The following ELMO1 variants were observed in gnomAD, a reference collection of about 807,000 sequenced individuals.
ELMO1 encodes engulfment and cell motility 1.
ELMO1 carries 26 observed loss-of-function variants against 98.9 expected under a neutral mutation model. That is an observed-to-expected ratio of 0.26 (90% CI 0.19 to 0.36). The LOEUF is 0.36. Ranked by LOEUF, ELMO1 falls within the 10% of genes least tolerant of loss-of-function variation. The pLI is 1.00. For missense variants in ELMO1, 627 were observed against 935.2 expected (o/e 0.67, Z 4.30); for synonymous variants, 346 against 346.0 (o/e 1.00, Z 0.00).
rs1794890682 is a variant in ELMO1 at position 37,244,258 on chromosome 7, A to G, written c.449+98T>C. On this transcript the variant is annotated intron_variant, in intron 7 of 21. Transcript: ENST00000310758. ...CAAAAAATCACTTATTCAAAATACT[A>G]GATGCATAGTTATACAATCAGTCAG... is the stretch of plus-strand genomic sequence containing the variant. 9.2e-6 allele frequency: 11 copies of G among 1,192,854 alleles called. No individual in the cohort carries two copies. The South Asian group carries it at 1.7e-4, about 19-fold the overall frequency. The allele number at this position is 1,192,854 out of a possible 1,614,324, so 73.9% of individuals were successfully genotyped here.
chr7:36,922,162 G>A (rs965222518), intron 16 of ELMO1, among the ~76,000 whole-genome samples: 1 of 152,074 alleles, frequency 6.6e-6, no homozygotes, highest in African/African-American at 2.4e-5. Flanking sequence ...TTAACATAAA[G>A]GAGAGGAAGC....
intron 6 of ELMO1, among the ~76,000 whole-genome samples, chr7:37,252,643 G>C (rs1475148250): frequency 6.6e-6 from 1 of 152,092 alleles, no homozygotes; most frequent in Non-Finnish European, 1.5e-5. Context: ...AGAATACCTA[G>C]GAATACCATT....
chr7:37,193,140 T>A (rs2130194181), intron 13 of ELMO1, among the ~76,000 whole-genome samples: 1 of 151,898 alleles, frequency 6.6e-6, no homozygotes, highest in Admixed American at 6.6e-5. Flanking sequence ...AACCTGATAA[T>A]TACCCCTTCG....
chr7:37,142,047 A>G (rs1482066785), intron 13 of ELMO1, among the ~76,000 whole-genome samples: 6 of 152,198 alleles, frequency 3.9e-5, no homozygotes, highest in Non-Finnish European at 1.5e-5. Context: ...ATTTATTCCA[A>G]TGTTGGAAAG....
chr7:37,094,609 A>G (rs753202356), intron 15 of ELMO1, among the ~76,000 whole-genome samples: 11 of 152,174 alleles, frequency 7.2e-5, no homozygotes, highest in African/African-American at 1.7e-4. Flanking sequence ...AGCCCACATC[A>G]GGGTCATGTT....
chr7:37,301,275 G>A (rs1798328028), intron 4 of ELMO1, among the ~76,000 whole-genome samples: 1 of 151,272 alleles, frequency 6.6e-6, no homozygotes, highest in South Asian at 2.1e-4. Flanking sequence ...AAGGGCCAGA[G>A]GAGAAAGAAA....
intron 13 of ELMO1, among the ~76,000 whole-genome samples, chr7:37,177,511 T>C (rs1013222002): frequency 6.6e-6 from 1 of 152,246 alleles, no homozygotes; most frequent in South Asian, 2.1e-4. Flanking sequence ...AATTAAATCT[T>C]AGGAAATAAA....
chr7:37,280,434 A>G (rs1343956311), intron 4 of ELMO1, among the ~76,000 whole-genome samples: 1 of 152,208 alleles, frequency 6.6e-6, no homozygotes, highest in East Asian at 1.9e-4. Context: ...AGTGGGAGAA[A>G]ATCTTCACAA....
rs1785338755 is a variant in ELMO1 at position 37,112,944 on chromosome 7, C to T, written c.1192-16217G>A. ...CCCTTCTGATTTGGTAGGCAGGTTGCTAATACTGGCTGGGCTCTGGTCACA... is the reference window on the plus strand; with the variant it reads ...CCCTTCTGATTTGGTAGGCAGGTTGTTAATACTGGCTGGGCTCTGGTCACA... On this transcript the variant is annotated intron_variant, in intron 14 of 21. Coordinates refer to ENST00000310758, the MANE Select transcript of ELMO1 (RefSeq NM_014800.11). Among the ~76,000 whole-genome samples the T allele has an allele frequency of 3.9e-5, 6 of 152,276 alleles. No individual in the cohort carries two copies. The South Asian group carries it at 1.2e-3, about 32-fold the overall frequency.
intron 16 of ELMO1, among the ~76,000 whole-genome samples, chr7:36,948,847 A>G (rs1409039460): frequency 6.6e-6 from 1 of 152,050 alleles, no homozygotes. Flanking sequence ...GGTACTGCTC[A>G]CTCACTCTTT....
intron 14 of ELMO1, among the ~76,000 whole-genome samples, chr7:37,114,030 G>T (rs934992036): frequency 2.6e-5 from 4 of 152,358 alleles, no homozygotes; most frequent in African/African-American, 9.6e-5. Flanking sequence ...GGAGTTGAGG[G>T]AGGAAGGAGT....
At chr7:37,357,905 A>G in intron 1 of ELMO1, among the ~76,000 whole-genome samples, 1 of 152,210 alleles carries the variant, frequency 6.6e-6, no homozygotes, top group Non-Finnish European at 1.5e-5. Context: ...TTCCTGCTCA[A>G]ATGCATAGAT....
intron 15 of ELMO1, among the ~76,000 whole-genome samples, chr7:37,095,331 C>T (rs547935957): frequency 6.6e-5 from 10 of 152,354 alleles, no homozygotes; most frequent in South Asian, 2.1e-4. Context: ...TTAGGACTTA[C>T]ATCCTTAAGC....
intron 1 of ELMO1, among the ~76,000 whole-genome samples, chr7:37,443,477 G>C (rs1647786): frequency 0.12 from 18,245 of 152,154 alleles, 1,524 homozygotes; most frequent in Non-Finnish European, 0.17. Context: ...AGTTAATTCT[G>C]TTTGATGAGC....
At chr7:37,072,684 C>A (rs1200319605) in intron 15 of ELMO1, among the ~76,000 whole-genome samples, 2 of 152,108 alleles carry the variant, frequency 1.3e-5, no homozygotes, top group South Asian at 4.1e-4. Context: ...ACCTTCAGTT[C>A]CTACATCAAT....
At position 37,342,836 on chromosome 7, in the gene ELMO1, T is replaced by A. The variant is rs1476431793; in HGVS notation, c.-73-73A>T. 9.8e-6 allele frequency: 7 copies of A among 711,592 alleles called. No individual in the cohort carries two copies. Among genetic ancestry groups the A allele is most frequent in the Non-Finnish European group, 1.6e-5 (7 of 441,694 alleles). 44.1% of individuals were successfully genotyped at this position (711,592 alleles called of 1,614,324 possible). ...GCAGGGTGAATTTTGCTTCATCACT[T>A]CCTGTTTTCACTGGTGGTTTGGTAT... On this transcript the variant is annotated intron_variant, in intron 1 of 21. Coordinates refer to ENST00000310758, the MANE Select transcript of ELMO1 (RefSeq NM_014800.11). The surrounding 1 kb of genome is among the most constrained non-coding windows in gnomAD (Gnocchi z 4.3).
chr7:36,953,314 A>G (rs1788151381), intron 16 of ELMO1, among the ~76,000 whole-genome samples: 1 of 152,192 alleles, frequency 6.6e-6, no homozygotes. Context: ...AAAGATGGAC[A>G]TCACACAAGA....
intron 1 of ELMO1, among the ~76,000 whole-genome samples, chr7:37,392,348 C>T (rs1019675368): frequency 2.0e-5 from 3 of 152,158 alleles, no homozygotes; most frequent in Admixed American, 6.5e-5. Context: ...TGACAGTTAA[C>T]GTATAAAACC....
At chr7:37,202,569 G>C (rs144373373) in intron 13 of ELMO1, among the ~76,000 whole-genome samples, 6 of 152,232 alleles carry the variant, frequency 3.9e-5, no homozygotes, top group African/African-American at 1.2e-4. Context: ...GCGGTATTTT[G>C]GTATAGCAGC....
Sources: gnomAD v4.1 joint callset for allele counts (sites outside exome capture counted in the v4.1 genomes callset) on GRCh38, gnomAD v4.1.1 for gene constraint, Gnocchi (gnomAD v3.1) non-coding constraint, MANE v1.5 for transcripts, NCBI Gene and HGNC (gene_info 2026-07-23, HGNC 2026-07-21) for gene names.